Variants in ACBD6 observed in about 807,000 individuals in gnomAD.
ACBD6 encodes the protein acyl-CoA-binding domain-containing protein 6.
In ACBD6, 28 loss-of-function variants were observed where a neutral mutation model predicts 37.2. The observed-to-expected ratio is 0.75, with a 90% CI of 0.56 to 1.03. The LOEUF is 1.03. Ranked by LOEUF, ACBD6 falls within the 50% of genes least tolerant of loss-of-function variation. The probability of loss-of-function intolerance (pLI) is 0.00; values close to 1 mark genes in which losing one functional copy is unlikely to be tolerated. For synonymous variants in ACBD6, 113 were observed against 126.8 expected, an observed-to-expected ratio of 0.89 and a Z score of 0.73; for missense variants, 340 against 337.4, an observed-to-expected ratio of 1.01 and a Z score of -0.06.
chr1:180,450,461 A>C (rs1205445652), intron 3 of ACBD6, among the ~76,000 whole-genome samples: 2 of 152,200 alleles, frequency 1.3e-5, no homozygotes, highest in Non-Finnish European at 2.9e-5. Context: ...GCTGCCTTAA[A>C]ACTTCTGAAA....
intron 3 of ACBD6, among the ~76,000 whole-genome samples, chr1:180,450,665 CAGA>C (rs1649669159): frequency 6.6e-6 from 1 of 152,068 alleles, no homozygotes; most frequent in South Asian, 2.1e-4. Context: ...GAGGCTGAGG[CAGA>C]AGAATGGCGT....
At chr1:180,357,688 A>G (rs911600785) in intron 6 of ACBD6, among the ~76,000 whole-genome samples, 1 of 152,240 alleles carries the variant, frequency 6.6e-6, no homozygotes, top group African/African-American at 2.4e-5. Flanking sequence ...AGGTCTCAGT[A>G]GAGGTTCCCT....
At chr1:180,472,381 G>C (rs754205559) in intron 3 of ACBD6, among the ~76,000 whole-genome samples, 4 of 152,332 alleles carry the variant, frequency 2.6e-5, no homozygotes, top group Non-Finnish European at 4.4e-5. Context: ...ATTTAGGGTA[G>C]ATGTAGCTGA....
chr1:180,334,937 G>A (rs532789685), intron 6 of ACBD6, among the ~76,000 whole-genome samples: 1 of 152,284 alleles, frequency 6.6e-6, no homozygotes, highest in Admixed American at 6.5e-5. Context: ...TGAATGAAAT[G>A]AAGCGAGAAG....
chr1:180,473,521 T>C (rs981141286), intron 3 of ACBD6, among the ~76,000 whole-genome samples: 1 of 147,980 alleles, frequency 6.8e-6, no homozygotes, highest in Non-Finnish European at 1.5e-5. Flanking sequence ...GGGAAAGAAA[T>C]AAACTTTAAA....
chr1:180,373,213 AT>A (rs1055201821), intron 6 of ACBD6, among the ~76,000 whole-genome samples: 1 of 152,086 alleles, frequency 6.6e-6, no homozygotes, highest in East Asian at 1.9e-4. Context: ...TACCTCATTT[AT>A]TTTTTATTTC....
At chr1:180,482,723 A>G (rs1571567398) in intron 3 of ACBD6, among the ~76,000 whole-genome samples, 1 of 152,320 alleles carries the variant, frequency 6.6e-6, no homozygotes, top group Non-Finnish European at 1.5e-5. Flanking sequence ...CTTCATCTAT[A>G]TATCAGACAA....
intron 1 of ACBD6, among the ~76,000 whole-genome samples, chr1:180,500,280 G>A (rs1360011989): frequency 6.6e-6 from 1 of 152,086 alleles, no homozygotes; most frequent in Non-Finnish European, 1.5e-5. Context: ...CTATTATCCA[G>A]AATTTCCTTT....
intron 3 of ACBD6, among the ~76,000 whole-genome samples, chr1:180,437,374 GGCAC>G (rs1194723332): frequency 6.6e-6 from 1 of 152,140 alleles, no homozygotes; most frequent in Non-Finnish European, 1.5e-5. Context: ...ACTATCTCTA[GGCAC>G]CTAGTGTCAG....
At chr1:180,390,339 T>C (rs1187367539) in intron 6 of ACBD6, among the ~76,000 whole-genome samples, 1 of 147,018 alleles carries the variant, frequency 6.8e-6, no homozygotes, top group Non-Finnish European at 1.5e-5. Flanking sequence ...TTCTGAGGGC[T>C]CTGTTCTGTT....
At chr1:180,428,888 T>C (rs974144747) in intron 4 of ACBD6, among the ~76,000 whole-genome samples, 2 of 152,128 alleles carry the variant, frequency 1.3e-5, no homozygotes, top group Non-Finnish European at 2.9e-5. Flanking sequence ...GAGGTTAGGA[T>C]AGGCATATCA....
At chr1:180,329,828 T>C (rs1651410155) in intron 6 of ACBD6, among the ~76,000 whole-genome samples, 1 of 152,178 alleles carries the variant, frequency 6.6e-6, no homozygotes, top group African/African-American at 2.4e-5. Flanking sequence ...TCACCACAAA[T>C]GGGTAACATG....
At chr1:180,423,614 A>T (rs370439720) in intron 4 of ACBD6, among the ~76,000 whole-genome samples, 4 of 152,208 alleles carry the variant, frequency 2.6e-5, no homozygotes, top group African/African-American at 9.6e-5. Flanking sequence ...ACAAAGAAAA[A>T]AATCAATGAC....
chr1:180,410,582 G>C (rs1647813795), intron 5 of ACBD6, among the ~76,000 whole-genome samples: 1 of 151,978 alleles, frequency 6.6e-6, no homozygotes, highest in Non-Finnish European at 1.5e-5. Context: ...GGAAAACAAA[G>C]CCTAGATGAC....
In ACBD6 at chr1:180,297,562, G is replaced by A. The variant is rs529674594; in HGVS notation, c.695-9045C>T. On this transcript the variant is annotated intron_variant, in intron 7 of 7. Coordinates refer to ENST00000367595, the MANE Select transcript of ACBD6 (RefSeq NM_032360.4). Reference sequence around the variant, plus strand: ...TCCAACCCCAGGGTCACTGCTGATTGGCTGAGATCATAGTTTTGGGTAGCT... The same window carrying A: ...TCCAACCCCAGGGTCACTGCTGATTAGCTGAGATCATAGTTTTGGGTAGCT... 3.3e-5 allele frequency among the ~76,000 whole-genome samples: 5 copies of A among 152,266 alleles called. No homozygotes were observed. In the South Asian group the frequency reaches 8.3e-4, roughly 25 times the overall value.
intron 6 of ACBD6, among the ~76,000 whole-genome samples, chr1:180,360,239 A>T (rs1652797049): frequency 6.6e-6 from 1 of 152,220 alleles, no homozygotes; most frequent in African/African-American, 2.4e-5. Flanking sequence ...ACTGGGTTTT[A>T]AAAACTGCCA....
At chr1:180,422,742 A>G (rs994887121) in intron 4 of ACBD6, among the ~76,000 whole-genome samples, 3 of 152,190 alleles carry the variant, frequency 2.0e-5, no homozygotes, top group African/African-American at 7.2e-5. Flanking sequence ...TACAATGATA[A>G]AATACTCAAA....
intron 6 of ACBD6, among the ~76,000 whole-genome samples, chr1:180,339,292 C>A (rs1225663886): frequency 1.3e-5 from 2 of 152,152 alleles, no homozygotes; most frequent in Non-Finnish European, 2.9e-5. Flanking sequence ...AAATGTCCAT[C>A]AGTGACAGAC....
intron 7 of ACBD6, among the ~76,000 whole-genome samples, chr1:180,290,646 A>G (rs1461007089): frequency 6.6e-6 from 1 of 152,248 alleles, no homozygotes; most frequent in African/African-American, 2.4e-5. Flanking sequence ...AGGAAGGAGG[A>G]GACTGAGGGA....
Sources: gnomAD v4.1 joint callset for allele counts (sites outside exome capture counted in the v4.1 genomes callset) on GRCh38, gnomAD v4.1.1 for gene constraint, MANE v1.5 for transcripts, NCBI Gene and HGNC (gene_info 2026-07-23, HGNC 2026-07-21) for gene names.